SLC6A12: variants seen among roughly 807,000 people sequenced by gnomAD.
SLC6A12 encodes the protein solute carrier family 6 member 12, also known as sodium- and chloride-dependent betaine transporter.
SLC6A12 carries 50 observed loss-of-function variants against 73.3 expected under a neutral mutation model. The ratio of observed to expected loss-of-function variants is 0.68; its 90% confidence interval spans 0.54 to 0.86. The LOEUF (loss-of-function observed/expected upper bound fraction) is 0.86. SLC6A12 is among the 40% of genes least tolerant of loss of function. The pLI, the probability that SLC6A12 is intolerant of heterozygous loss-of-function variation, is 0.00. For missense variants in SLC6A12, 648 were observed against 772.8 expected (o/e 0.84, Z 1.92); for synonymous variants, 304 against 309.2 (o/e 0.98, Z 0.18).
intron 7 of SLC6A12, 89 bp downstream of exon 7, chr12:200,562 A>C: frequency 2.1e-6 from 3 of 1,410,872 alleles, no homozygotes; most frequent in Non-Finnish European, 2.9e-6. Flanking sequence ...TCTTAATAGA[A>C]AGAAATCAGT....
At chr12:191,289 GC>G in intron 15 of SLC6A12, 78 bp from the exon 16 acceptor site, 1 of 1,209,350 alleles carries the variant, frequency 8.3e-7, no homozygotes, top group Non-Finnish European at 1.0e-6. Context: ...CAACCCCAGG[GC>G]CCAGCCCAGA....
chr12:189,395 C>G (rs1208214549), downstream of SLC6A12, among the ~76,000 whole-genome samples: 1 of 152,186 alleles, frequency 6.6e-6, no homozygotes, highest in Non-Finnish European at 1.5e-5. Context: ...GCCTCCTTCT[C>G]TCCCCACTAG....
At chr12:194,076 C>G (rs932314259) in intron 13 of SLC6A12, 6 of 152,212 alleles carry the variant, frequency 3.9e-5, no homozygotes, top group African/African-American at 1.2e-4. Flanking sequence ...ACCTTCCCAC[C>G]GATCCCTGAT....
At position 198,003 on chromosome 12, in the gene SLC6A12, C is replaced by A. The variant is rs762968521; in HGVS notation, c.847G>T (p.Val283Leu). 1 of 1,613,588 alleles carries A rather than the reference C, an allele frequency of 6.2e-7. No homozygotes were observed. Among genetic ancestry groups the A allele is most frequent in the South Asian group, 1.1e-5 (1 of 91,026 alleles). Residue 283 changes from valine to leucine, a missense_variant and splice_region_variant, in exon 9 of 16, where the codon GTG becomes TTG. Coordinates refer to ENST00000684302, the MANE Select transcript of SLC6A12 (RefSeq NM_001122848.3). The surrounding 1 kb of genome is among the most constrained non-coding windows in gnomAD (Gnocchi z 4.0). The stretch of plus-strand genomic sequence containing the variant: ...ATCTGGGTGCCCGCATCCATCCACA[C>A]CTACACAAAACCCCAAGAAAGAGGT... ...PDLFRLKDPQVWMDAGTQIFF... is the reference protein window; with the variant it reads ...PDLFRLKDPQLWMDAGTQIFF...
chr12:211,357 G>C (rs1245522688), intron 2 of SLC6A12: 3 of 152,334 alleles, frequency 2.0e-5, no homozygotes, highest in Admixed American at 6.5e-5. Context: ...GGAGGGTGCA[G>C]GTTATCCCAG....
chr12:200,025 C>T (rs879502267), intron 7 of SLC6A12, among the ~76,000 whole-genome samples: 4 of 151,612 alleles, frequency 2.6e-5, no homozygotes, highest in Non-Finnish European at 4.4e-5. Flanking sequence ...CAAAAATGAA[C>T]AGAGATTAGC....
At chr12:207,100 C>A (rs547193388) in intron 3 of SLC6A12, among the ~76,000 whole-genome samples, 17 of 152,352 alleles carry the variant, frequency 1.1e-4, no homozygotes, top group Admixed American at 9.8e-4. Context: ...TTAGGGCGTC[C>A]TCTACCCTTG....
At position 191,132 on chromosome 12, in the gene SLC6A12, C is replaced by G; in HGVS notation, c.1781G>C (p.Arg594Pro). The part of the protein sequence containing the change: ...QHPCLDGSAG[R>P]NFGPSPTREG... ...CCTTGTTGGGGAGGGCCCAAAGTTC[C>G]GGCCAGCACTGCCATCCAAGCAGGG... Residue 594 changes from arginine to proline, a missense_variant, in exon 16 of 16, where the codon CGG becomes CCG. Arg to Pro is a moderately radical substitution (Grantham distance 103). Transcript: ENST00000684302. 1 of 1,348,066 alleles carries G rather than the reference C, an allele frequency of 7.4e-7. No individual in the cohort carries two copies. The highest frequency in any genetic ancestry group is 2.8e-5 in the East Asian group (1 of 35,818). The allele number at this position is 1,348,066 out of a possible 1,614,324, so 83.5% of individuals were successfully genotyped here.
intron 4 of SLC6A12, among the ~76,000 whole-genome samples, 184 bp from the exon 5 acceptor site, chr12:203,064 T>C (rs1351137411): frequency 4.4e-4 from 19 of 43,032 alleles, no homozygotes; most frequent in Non-Finnish European, 4.5e-4. Context: ...CTTTTCTTTT[T>C]TTTTTTTTTT....
chr12:191,226 G>C lies in SLC6A12; in HGVS notation c.1702-15C>G. The C allele has an allele frequency of 7.9e-7, 1 of 1,261,374 alleles. No individual in the cohort carries two copies. The highest frequency in any genetic ancestry group is 3.7e-5 in the South Asian group (1 of 27,214). 78.1% of individuals were successfully genotyped at this position (1,261,374 alleles called of 1,614,324 possible). On this transcript the variant is annotated splice_polypyrimidine_tract_variant and intron_variant, in intron 15 of 15. Transcript: ENST00000684302. Reference sequence around the variant, plus strand: ...TGACGCAGACGCTGTGGAGAGAAGAGGCAGGGATTTGGAGCTGATGGTGAG... The same window carrying C: ...TGACGCAGACGCTGTGGAGAGAAGACGCAGGGATTTGGAGCTGATGGTGAG...
intron 7 of SLC6A12, among the ~76,000 whole-genome samples, chr12:200,128 T>A (rs1940135164): frequency 1.0e-5 from 1 of 98,430 alleles, no homozygotes; most frequent in Admixed American, 1.1e-4. Context: ...TTTTTTTTTT[T>A]GAGACGGAGT....
At position 198,053 on chromosome 12, in the gene SLC6A12, C is replaced by A. The variant is rs778460407; in HGVS notation, c.847-50G>T. On this transcript the variant is annotated intron_variant, in intron 8 of 15. Coordinates refer to ENST00000684302, the MANE Select transcript of SLC6A12 (RefSeq NM_001122848.3). The surrounding 1 kb of genome is among the most constrained non-coding windows in gnomAD (Gnocchi z 4.0). ...TAGAGGCAGCCCCCAGGGCCCAGAGCCAGGGTGACCCGAGATCCAGACCCG... is the reference window on the plus strand; with the variant it reads ...TAGAGGCAGCCCCCAGGGCCCAGAGACAGGGTGACCCGAGATCCAGACCCG... 1.3e-6 allele frequency: 2 copies of A among 1,492,512 alleles called. No individual in the cohort carries two copies. Among genetic ancestry groups the A allele is most frequent in the Admixed American group, 3.4e-5 (2 of 59,412 alleles). 92.5% of individuals were successfully genotyped at this position (1,492,512 alleles called of 1,614,324 possible). A position where few individuals can be genotyped will look rare whatever the true frequency, so the allele number is the denominator to read the frequency against.
intron 9 of SLC6A12, 150 bp downstream of exon 9, chr12:197,749 AT>A: frequency 1.5e-6 from 1 of 665,516 alleles, no homozygotes. Context: ...GAAGGAAGAC[AT>A]TTAGTCTGGG....
chr12:187,765 C>T (rs1359228183), downstream of SLC6A12, among the ~76,000 whole-genome samples: 6 of 152,044 alleles, frequency 3.9e-5, no homozygotes, highest in South Asian at 4.2e-4. Context: ...TACAGAGAGC[C>T]GATTGGTCCA....
At chr12:197,140 T>C (rs1000435189) in intron 10 of SLC6A12, among the ~76,000 whole-genome samples, 77 of 113,414 alleles carry the variant, frequency 6.8e-4, no homozygotes, top group African/African-American at 2.2e-3. Context: ...CATCCATCCA[T>C]CCATCCATCC....
In SLC6A12 at chr12:192,972, G is replaced by T. The variant is rs933977759; in HGVS notation, c.1530+305C>A. On this transcript the variant is annotated intron_variant, in intron 14 of 15. Transcript: ENST00000684302. Reference sequence around the variant, plus strand: ...AGACAGGGGGTGATACAAAGGAAGGGAAGGGCTCAGAAGAGAAGCTCAGAC... The same window carrying T: ...AGACAGGGGGTGATACAAAGGAAGGTAAGGGCTCAGAAGAGAAGCTCAGAC... 3 of 511,124 alleles carry T rather than the reference G, an allele frequency of 5.9e-6. 1 individual carries two copies. The East Asian group carries it at 9.7e-5, about 17-fold the overall frequency. 31.7% of individuals were successfully genotyped at this position (511,124 alleles called of 1,614,324 possible). A position where few individuals can be genotyped will look rare whatever the true frequency, so the allele number is the denominator to read the frequency against.
intron 3 of SLC6A12, among the ~76,000 whole-genome samples, chr12:207,843 A>T (rs954386570): frequency 2.6e-5 from 4 of 152,194 alleles, no homozygotes; most frequent in Non-Finnish European, 5.9e-5. Context: ...CATGTTAAAG[A>T]TGAAAGAAAG....
At chr12:207,801 C>T (rs964360432) in intron 3 of SLC6A12, among the ~76,000 whole-genome samples, 2 of 152,188 alleles carry the variant, frequency 1.3e-5, no homozygotes, top group Non-Finnish European at 2.9e-5. Context: ...CCAGTGACTC[C>T]AGAAGGGGAC....
rs1940288723 is a variant in SLC6A12 at position 201,907 on chromosome 12, C to T, written c.491-58G>A. The T allele has an allele frequency of 4.1e-6, 6 of 1,480,704 alleles. No individual in the cohort carries two copies. In the African/African-American group the frequency reaches 4.2e-5, roughly 10 times the overall value. The allele number at this position is 1,480,704 out of a possible 1,614,324, so 91.7% of individuals were successfully genotyped here. A position where few individuals can be genotyped will look rare whatever the true frequency, so the allele number is the denominator to read the frequency against. On this transcript the variant is annotated intron_variant, in intron 5 of 15. Transcript: ENST00000684302. ...AGAGATGCTCTTATACCCTAGTCCC[C>T]CTGGCCCTCTGGCCTTGCAGCCTAG...
Sources: allele counts gnomAD v4.1 joint callset (sites outside exome capture counted in the v4.1 genomes callset), GRCh38; gene constraint gnomAD v4.1.1; non-coding constraint Gnocchi (gnomAD v3.1); transcripts MANE v1.5; gene names NCBI Gene and HGNC (gene_info 2026-07-23, HGNC 2026-07-21).